The following RTTN variants were observed in gnomAD, a reference collection of about 807,000 sequenced individuals.
RTTN encodes rotatin.
A neutral mutation model predicts 269.2 loss-of-function variants in RTTN; 182 were observed. That is an observed-to-expected ratio of 0.68 (90% CI 0.60 to 0.76). The LOEUF is 0.76. RTTN is among the 30% of genes least tolerant of loss of function. RTTN has a pLI of 0.00. For synonymous variants in RTTN, 1,006 were observed against 963.5 expected, an observed-to-expected ratio of 1.04 and a Z score of -0.82; for missense variants, 2,545 against 2,608.6, an observed-to-expected ratio of 0.98 and a Z score of 0.53.
chr18:70,119,856 T>A (rs2059691336), intron 26 of RTTN, among the ~76,000 whole-genome samples: 1 of 152,216 alleles, frequency 6.6e-6, no homozygotes, highest in African/African-American at 2.4e-5. Flanking sequence ...TTAATAAATG[T>A]TTATTGAGAG....
chr18:70,044,036 T>C (rs974960801), intron 40 of RTTN, among the ~76,000 whole-genome samples: 2 of 152,242 alleles, frequency 1.3e-5, no homozygotes, highest in African/African-American at 4.8e-5. Flanking sequence ...AAAATTCATT[T>C]AAATGTCATG....
At chr18:70,101,264 G>A (rs1443784481) in intron 28 of RTTN, among the ~76,000 whole-genome samples, 1 of 152,152 alleles carries the variant, frequency 6.6e-6, no homozygotes, top group Non-Finnish European at 1.5e-5. Flanking sequence ...GCCTGTTATT[G>A]ATCTATTCAG....
chr18:70,096,430 A>G (rs1437291069), intron 28 of RTTN, among the ~76,000 whole-genome samples: 1 of 152,074 alleles, frequency 6.6e-6, no homozygotes, highest in South Asian at 2.1e-4. Context: ...CCTCATCTTC[A>G]TGGATTTATC....
At chr18:70,093,246 CT>C (rs2058900800) in intron 28 of RTTN, among the ~76,000 whole-genome samples, 1 of 88,388 alleles carries the variant, frequency 1.1e-5, no homozygotes, top group African/African-American at 3.4e-5. Flanking sequence ...AATATTTTTC[CT>C]TTTAAAGTCT....
chr18:70,102,885 G>A (rs1202511501), intron 28 of RTTN, among the ~76,000 whole-genome samples: 1 of 152,218 alleles, frequency 6.6e-6, no homozygotes, highest in African/African-American at 2.4e-5. Context: ...CTTTAAGAAT[G>A]TTGAGCCTGG....
At chr18:70,155,363 C>G (rs1568475536) in intron 14 of RTTN, among the ~76,000 whole-genome samples, 1 of 152,258 alleles carries the variant, frequency 6.6e-6, no homozygotes, top group East Asian at 1.9e-4. Context: ...AAATAAACAA[C>G]ATAAGGAAGA....
intron 34 of RTTN, among the ~76,000 whole-genome samples, chr18:70,070,127 G>A (rs749339635): frequency 1.3e-5 from 2 of 152,226 alleles, no homozygotes; most frequent in East Asian, 3.8e-4. Context: ...GAAGATGATA[G>A]ACGATTCTTG....
At chr18:70,065,774 G>T in intron 35 of RTTN, 55 bp downstream of exon 35, 1 of 1,201,716 alleles carries the variant, frequency 8.3e-7, no homozygotes, top group Non-Finnish European at 1.2e-6. Context: ...ATATCTGTCT[G>T]GACCAACTTG....
chr18:70,205,178 A>G lies in RTTN; in HGVS notation c.169T>C (p.Ser57Pro), dbSNP rs376558320. The change falls in exon 2 of 49, where the codon TCC (serine) becomes CCC (proline). Residue 57 changes from serine to proline, a missense_variant. By Grantham distance (74) the Ser-to-Pro change is moderately conservative (BLOSUM62 -1). Coordinates refer to ENST00000640769, the MANE Select transcript of RTTN (RefSeq NM_173630.4). The stretch of plus-strand genomic sequence containing the variant: ...AGAACCTCTTCCTTCATCGGAACGG[A>G]CGGGAAATTGAACCATTCCAGCAAA... ...LHLLEWFNFP[S>P]VPMKEEVLNL... The G allele has an allele frequency of 2.8e-5, 46 of 1,614,124 alleles. No homozygotes were observed. The African/African-American group carries it at 5.9e-4, about 21-fold the overall frequency.
chr18:70,009,185 G>C (rs1022463534), intron 46 of RTTN, among the ~76,000 whole-genome samples: 1 of 152,144 alleles, frequency 6.6e-6, no homozygotes, highest in Non-Finnish European at 1.5e-5. Flanking sequence ...CCCAGGTTTG[G>C]AGTGCAGTGG....
At chr18:70,132,474 A>C (rs1257410447) in intron 23 of RTTN, among the ~76,000 whole-genome samples, 1 of 132,046 alleles carries the variant, frequency 7.6e-6, no homozygotes, top group Non-Finnish European at 1.5e-5. Flanking sequence ...ATTTAGCTAA[A>C]TATTAATAAT....
At position 70,124,891 on chromosome 18, in the gene RTTN, C is replaced by G. The variant is rs528739795; in HGVS notation, c.3383+2611G>C. Among the ~76,000 whole-genome samples, 44 of 152,062 alleles carry G rather than the reference C, an allele frequency of 2.9e-4. No individual in the cohort carries two copies. In the South Asian group the frequency reaches 8.5e-3, roughly 29 times the overall value. On this transcript the variant is annotated intron_variant, in intron 25 of 48. Coordinates refer to ENST00000640769, the MANE Select transcript of RTTN (RefSeq NM_173630.4). ...GAGAAAAACAGTAGCAATAGGACTT[C>G]CAGTAGGAAAGGAGTAGAGAGGCAT...
intron 17 of RTTN, among the ~76,000 whole-genome samples, 162 bp from the exon 18 acceptor site, chr18:70,145,945 C>T (rs1373604941): frequency 2.6e-5 from 4 of 151,886 alleles, no homozygotes; most frequent in East Asian, 1.9e-4. Context: ...AAAAATTCTT[C>T]GATATATAAT....
chr18:70,164,728 A>C (rs1454118534), intron 14 of RTTN, among the ~76,000 whole-genome samples: 1 of 152,306 alleles, frequency 6.6e-6, no homozygotes, highest in African/African-American at 2.4e-5. Flanking sequence ...CACTTGGAGA[A>C]AACAGCAAGG....
intron 17 of RTTN, among the ~76,000 whole-genome samples, chr18:70,148,177 T>C (rs2060444992): frequency 6.6e-6 from 1 of 152,206 alleles, no homozygotes; most frequent in African/African-American, 2.4e-5. Flanking sequence ...GTGAAAAGAA[T>C]GTCTGTCCAT....
intron 32 of RTTN, among the ~76,000 whole-genome samples, chr18:70,083,457 T>A (rs2058623579): frequency 6.6e-6 from 1 of 152,102 alleles, no homozygotes; most frequent in Non-Finnish European, 1.5e-5. Flanking sequence ...TGTAGTCCTG[T>A]CAGAAACAAA....
chr18:70,029,901 G>C, intron 42 of RTTN, 111 bp downstream of exon 42: 1 of 739,512 alleles, frequency 1.4e-6, no homozygotes, highest in Non-Finnish European at 2.3e-6. Context: ...TTATCCATCT[G>C]TACCTTTCTT....
chr18:70,120,652 TAAAG>T (rs1384012653), intron 26 of RTTN, among the ~76,000 whole-genome samples: 2 of 152,132 alleles, frequency 1.3e-5, no homozygotes, highest in Non-Finnish European at 2.9e-5. Flanking sequence ...AATAAATACA[TAAAG>T]AGACAGATAG....
intron 11 of RTTN, among the ~76,000 whole-genome samples, chr18:70,171,922 A>G (rs1186261160): frequency 1.3e-5 from 2 of 152,184 alleles, no homozygotes; most frequent in African/African-American, 4.8e-5. Flanking sequence ...CAGTCACTCA[A>G]CTGGCTTCAC....
Sources: gnomAD v4.1 joint callset for allele counts (sites outside exome capture counted in the v4.1 genomes callset) on GRCh38, gnomAD v4.1.1 for gene constraint, MANE v1.5 for transcripts, NCBI Gene and HGNC (gene_info 2026-07-23, HGNC 2026-07-21) for gene names.